HDAC4: variants seen among roughly 807,000 people sequenced by gnomAD.
HDAC4 encodes histone deacetylase 4.
A neutral mutation model predicts 135.1 loss-of-function variants in HDAC4; 16 were observed. The ratio of observed to expected loss-of-function variants is 0.12; its 90% CI spans 0.08 to 0.18. The LOEUF (loss-of-function observed/expected upper bound fraction) is 0.18. Among genes scored for constraint, HDAC4 ranks in the 10% least tolerant of loss-of-function variants. The pLI, the probability that HDAC4 is intolerant of heterozygous loss-of-function variation, is 1.00. For missense variants in HDAC4, 1,143 were observed against 1,511.8 expected (o/e 0.76, Z 4.05); for synonymous variants, 685 against 653.4 (o/e 1.05, Z -0.74).
At chr2:239,273,001 G>C (rs1575581465) in intron 2 of HDAC4, among the ~76,000 whole-genome samples, 2 of 152,286 alleles carry the variant, frequency 1.3e-5, no homozygotes, top group African/African-American at 4.8e-5. Context: ...AGCACAGGAA[G>C]GATAAATGAT....
intron 2 of HDAC4, among the ~76,000 whole-genome samples, chr2:239,346,357 A>T (rs952162250): frequency 2.0e-5 from 3 of 151,216 alleles, no homozygotes; most frequent in Admixed American, 6.6e-5. Flanking sequence ...ACACACATAC[A>T]CACATCTTAA....
intron 2 of HDAC4, among the ~76,000 whole-genome samples, chr2:239,321,234 G>A (rs1310000569): frequency 6.6e-6 from 1 of 152,148 alleles, no homozygotes; most frequent in Non-Finnish European, 1.5e-5. Context: ...GGAAGGTGAA[G>A]GTGGGCGGAT....
At chr2:239,194,572 C>T (rs1267177879) in intron 3 of HDAC4, among the ~76,000 whole-genome samples, 1 of 152,228 alleles carries the variant, frequency 6.6e-6, no homozygotes, top group Non-Finnish European at 1.5e-5. Context: ...GTGAAACAGC[C>T]AGCGAGCAGC....
At chr2:239,244,411 G>A (rs971738593) in intron 2 of HDAC4, among the ~76,000 whole-genome samples, 1 of 152,030 alleles carries the variant, frequency 6.6e-6, no homozygotes, top group African/African-American at 2.4e-5. Flanking sequence ...CCTGGAGGGC[G>A]TGGTGCGGTG....
At chr2:239,096,369 A>C (rs2037040018) in intron 16 of HDAC4, among the ~76,000 whole-genome samples, 1 of 56,962 alleles carries the variant, frequency 1.8e-5, no homozygotes, top group Non-Finnish European at 3.5e-5. Context: ...AGATGCCTGC[A>C]ACCCCCCCCG....
At chr2:239,119,570 C>A (rs1001313025) in intron 12 of HDAC4, among the ~76,000 whole-genome samples, 2 of 150,934 alleles carry the variant, frequency 1.3e-5, no homozygotes, top group African/African-American at 4.9e-5. Flanking sequence ...GGCGCGGGAA[C>A]TGGAGCTAAG....
At chr2:239,310,393 C>A (rs897266110) in intron 2 of HDAC4, among the ~76,000 whole-genome samples, 8 of 152,042 alleles carry the variant, frequency 5.3e-5, no homozygotes, top group Non-Finnish European at 1.2e-4. Flanking sequence ...GGATTTTGCT[C>A]CCCCCCGAAC....
chr2:239,149,628 A>G (rs2041984452), intron 7 of HDAC4, among the ~76,000 whole-genome samples: 1 of 152,164 alleles, frequency 6.6e-6, no homozygotes, highest in Admixed American at 6.5e-5. Flanking sequence ...GGTGGCTCTG[A>G]AGACAGAGCC....
At chr2:239,247,648 C>T (rs1011650143) in intron 2 of HDAC4, among the ~76,000 whole-genome samples, 3 of 152,212 alleles carry the variant, frequency 2.0e-5, no homozygotes, top group Admixed American at 6.5e-5. Context: ...ACATCACAAA[C>T]TCGCTAAAGG....
intron 2 of HDAC4, among the ~76,000 whole-genome samples, chr2:239,315,123 A>T (rs2053062120): frequency 6.6e-6 from 1 of 152,186 alleles, no homozygotes; most frequent in African/African-American, 2.4e-5. Context: ...CCAACTGCCA[A>T]TCAGAACATT....
chr2:239,248,822 G>C (rs909707474), intron 2 of HDAC4, among the ~76,000 whole-genome samples: 3 of 152,208 alleles, frequency 2.0e-5, no homozygotes, highest in Non-Finnish European at 4.4e-5. Flanking sequence ...CCACTCTGCT[G>C]TTCTGCCTCT....
chr2:239,273,846 C>A (rs558336106), intron 2 of HDAC4, among the ~76,000 whole-genome samples: 176 of 152,288 alleles, frequency 1.2e-3, no homozygotes, highest in African/African-American at 4.1e-3. Flanking sequence ...AACCCACGAA[C>A]CTTACTTAAC....
chr2:239,289,036 TG>T (rs2051306783), intron 2 of HDAC4, among the ~76,000 whole-genome samples: 1 of 152,222 alleles, frequency 6.6e-6, no homozygotes, highest in South Asian at 2.1e-4. Context: ...AGTGCCCTGC[TG>T]GCCCCAGGAC....
At chr2:239,272,206 A>G (rs934950779) in intron 2 of HDAC4, among the ~76,000 whole-genome samples, 5 of 152,230 alleles carry the variant, frequency 3.3e-5, no homozygotes, top group African/African-American at 1.2e-4. Flanking sequence ...AGAAGCCAAA[A>G]GCCAGGAGCC....
chr2:239,053,608 TG>T lies in HDAC4; in HGVS notation c.3089-8del. 1 of 1,612,994 alleles carries T rather than the reference TG, an allele frequency of 6.2e-7. No individual in the cohort carries two copies. Among genetic ancestry groups the T allele is most frequent in the Non-Finnish European group, 8.5e-7 (1 of 1,179,716 alleles). The stretch of plus-strand genomic sequence containing the variant: ...AGGCAGCGCCAGTACTTGCCTGGGG[TG>T]GTGGGGTGAGGAAAGTCGCTCAGTG... On this transcript the variant is annotated splice_polypyrimidine_tract_variant and splice_region_variant and intron_variant, in intron 25 of 26. Coordinates refer to ENST00000543185, the MANE Select transcript of HDAC4 (RefSeq NM_001378414.1).
chr2:239,144,314 A>AGCT (rs2041607857), intron 8 of HDAC4, among the ~76,000 whole-genome samples: 1 of 152,302 alleles, frequency 6.6e-6, no homozygotes, highest in Admixed American at 6.5e-5. Context: ...CGCAGTGCCA[A>AGCT]GCTGGGGCAC....
intron 1 of HDAC4, among the ~76,000 whole-genome samples, chr2:239,381,883 T>C (rs564744744): frequency 7.9e-5 from 12 of 152,186 alleles, no homozygotes; most frequent in East Asian, 1.9e-4. Flanking sequence ...TCCCCTAAAA[T>C]AGACTCAAGC....
At chr2:239,395,705 C>T (rs995203123) in intron 1 of HDAC4, among the ~76,000 whole-genome samples, 4 of 152,146 alleles carry the variant, frequency 2.6e-5, no homozygotes, top group Non-Finnish European at 5.9e-5. Context: ...CCGCCTTTCC[C>T]TCTTACACTG....
At chr2:239,219,240 C>T (rs989296788) in intron 3 of HDAC4, among the ~76,000 whole-genome samples, 8 of 151,580 alleles carry the variant, frequency 5.3e-5, no homozygotes, top group Non-Finnish European at 1.0e-4. Flanking sequence ...CAATGATAGA[C>T]TGGATTAAGA....
Sources: gnomAD v4.1 joint callset for allele counts (sites outside exome capture counted in the v4.1 genomes callset) on GRCh38, gnomAD v4.1.1 for gene constraint, MANE v1.5 for transcripts, NCBI Gene and HGNC (gene_info 2026-07-23, HGNC 2026-07-21) for gene names.